Variants in BICC1 observed in about 807,000 individuals in gnomAD.
BICC1 encodes the protein BicC family RNA binding protein 1, also known as protein bicaudal C homolog 1.
BICC1 carries 43 observed loss-of-function variants against 111.0 expected under a neutral mutation model. That is an observed-to-expected ratio of 0.39 (90% CI 0.30 to 0.50). BICC1 has a LOEUF of 0.50. Ranked by LOEUF, BICC1 falls within the 20% of genes least tolerant of loss-of-function variation. The probability of loss-of-function intolerance (pLI) is 0.88; values close to 1 mark genes in which losing one functional copy is unlikely to be tolerated. For synonymous variants in BICC1, 467 were observed against 434.4 expected, an observed-to-expected ratio of 1.07 and a Z score of -0.93; for missense variants, 1,091 against 1,203.2, an observed-to-expected ratio of 0.91 and a Z score of 1.38.
chr10:58,645,302 G>T (rs184383692), intron 2 of BICC1, among the ~76,000 whole-genome samples: 1 of 149,870 alleles, frequency 6.7e-6, no homozygotes, highest in Non-Finnish European at 1.5e-5. Flanking sequence ...CCAGCTACTC[G>T]GGAGGCTGAG....
chr10:58,535,975 AAAGAC>A (rs749505926), intron 1 of BICC1, among the ~76,000 whole-genome samples: 1 of 151,818 alleles, frequency 6.6e-6, no homozygotes. Context: ...TAAAAAAAAA[AAAGAC>A]AAGGTCATTA....
chr10:58,552,149 C>G (rs1843311941), intron 1 of BICC1, among the ~76,000 whole-genome samples: 1 of 151,370 alleles, frequency 6.6e-6, no homozygotes, highest in Non-Finnish European at 1.5e-5. Context: ...GGAAAGAGTT[C>G]ACTCTTCATG....
intron 2 of BICC1, among the ~76,000 whole-genome samples, chr10:58,689,063 A>G (rs1156620646): frequency 6.6e-6 from 1 of 152,216 alleles, no homozygotes; most frequent in Non-Finnish European, 1.5e-5. Context: ...GAAAACATGT[A>G]TTAAGAAAGA....
At chr10:58,815,449 A>G (rs1844059336) in intron 18 of BICC1, among the ~76,000 whole-genome samples, 1 of 152,160 alleles carries the variant, frequency 6.6e-6, no homozygotes, top group Non-Finnish European at 1.5e-5. Flanking sequence ...GGTGTAAATG[A>G]TGTCCAGTCT....
chr10:58,712,074 T>C (rs1840593733), intron 3 of BICC1, among the ~76,000 whole-genome samples: 1 of 152,184 alleles, frequency 6.6e-6, no homozygotes, highest in South Asian at 2.1e-4. Flanking sequence ...AAAGAAGATA[T>C]ACAGATGGCA....
At chr10:58,815,833 A>T (rs1844070447) in intron 18 of BICC1, among the ~76,000 whole-genome samples, 2 of 152,216 alleles carry the variant, frequency 1.3e-5, no homozygotes, top group South Asian at 4.1e-4. Context: ...TTAAATATGT[A>T]ATCAATATAA....
chr10:58,661,439 G>A (rs1161873603), intron 2 of BICC1, among the ~76,000 whole-genome samples: 1 of 152,072 alleles, frequency 6.6e-6, no homozygotes, highest in African/African-American at 2.4e-5. Context: ...AAAAATCAAA[G>A]CACCAAACCT....
rs537799012 is a variant in BICC1, at chr10:58,513,324, A to G, written c.181A>G (p.Met61Val). Reference protein sequence around the residue: ...FRVDRKKLEAMLQAAAEGKGR... With the variant: ...FRVDRKKLEAVLQAAAEGKGR... ...CGTGGACAGGAAGAAACTTGAGGCC[A>G]TGTTACAAGGTAGGCATCCCTCGTG... Residue 61 changes from methionine to valine, a missense_variant, in exon 1 of 21, where the codon ATG becomes GTG. Around this residue, in one of 3 missense-constraint regions of BICC1, gnomAD observed 843 missense variants for 900.8 expected, o/e 0.94. Coordinates refer to ENST00000373886, the MANE Select transcript of BICC1 (RefSeq NM_001080512.3). 2.6e-5 allele frequency: 41 copies of G among 1,606,732 alleles called. No homozygotes were observed. Among genetic ancestry groups the G allele is most frequent in the Non-Finnish European group, 3.5e-5 (41 of 1,175,480 alleles).
At chr10:58,725,246 G>A (rs1310539693) in intron 3 of BICC1, among the ~76,000 whole-genome samples, 1 of 152,154 alleles carries the variant, frequency 6.6e-6, no homozygotes, top group African/African-American at 2.4e-5. Flanking sequence ...ATTTGTGGCA[G>A]ACTCTTAAAT....
chr10:58,541,929 C>G (rs141580708), intron 1 of BICC1, among the ~76,000 whole-genome samples: 1 of 151,884 alleles, frequency 6.6e-6, no homozygotes, highest in Non-Finnish European at 1.5e-5. Context: ...GTGGGCAGAT[C>G]GTTTGAGATC....
At chr10:58,512,439 T>A (rs1242856835), upstream of BICC1, among the ~76,000 whole-genome samples, 2 of 152,162 alleles carry the variant, frequency 1.3e-5, no homozygotes, top group African/African-American at 4.8e-5. Flanking sequence ...ACAGCGGAAT[T>A]GTGTATGCGC....
At chr10:58,600,603 G>C (rs1844994288) in intron 1 of BICC1, among the ~76,000 whole-genome samples, 1 of 151,984 alleles carries the variant, frequency 6.6e-6, no homozygotes, top group South Asian at 2.1e-4. Context: ...TAATATAGTT[G>C]ACTCTTGAAT....
At chr10:58,822,229 A>G (rs1844271342) in intron 20 of BICC1, among the ~76,000 whole-genome samples, 1 of 152,268 alleles carries the variant, frequency 6.6e-6, no homozygotes, top group South Asian at 2.1e-4. Flanking sequence ...GAGCTCCATA[A>G]TCTTTCACTA....
intron 1 of BICC1, among the ~76,000 whole-genome samples, chr10:58,609,593 A>G (rs1228811828): frequency 1.3e-5 from 2 of 152,262 alleles, no homozygotes; most frequent in South Asian, 2.1e-4. Flanking sequence ...TCATTTCAAC[A>G]TGTAATCAAA....
intron 1 of BICC1, among the ~76,000 whole-genome samples, chr10:58,587,433 G>A (rs571695842): frequency 6.6e-6 from 1 of 152,250 alleles, no homozygotes; most frequent in South Asian, 2.1e-4. Flanking sequence ...AGAATTTCAA[G>A]TCAGTACATA....
At chr10:58,745,043 G>A (rs1370770088) in intron 3 of BICC1, among the ~76,000 whole-genome samples, 1 of 152,114 alleles carries the variant, frequency 6.6e-6, no homozygotes. Context: ...ACCCTGTTCT[G>A]CTACATTCAC....
intron 1 of BICC1, among the ~76,000 whole-genome samples, chr10:58,540,921 T>G (rs963603439): frequency 4.6e-5 from 7 of 152,080 alleles, no homozygotes; most frequent in African/African-American, 1.7e-4. Flanking sequence ...ATCAAGGTAA[T>G]ACTGATATGT....
chr10:58,591,546 A>G (rs912325103), intron 1 of BICC1, among the ~76,000 whole-genome samples: 3 of 152,300 alleles, frequency 2.0e-5, no homozygotes, highest in Non-Finnish European at 2.9e-5. Flanking sequence ...GCTTCCTCAC[A>G]TGACCTAACC....
chr10:58,608,633 C>T (rs1845312831), intron 1 of BICC1, among the ~76,000 whole-genome samples: 2 of 152,128 alleles, frequency 1.3e-5, no homozygotes, highest in South Asian at 2.1e-4. Context: ...AACTATACGT[C>T]CTTAGAGGTC....
Sources: gnomAD v4.1 joint callset for allele counts (sites outside exome capture counted in the v4.1 genomes callset) on GRCh38, gnomAD v4.1.1 for gene constraint, gnomAD v4.1.1 regional missense constraint, MANE v1.5 for transcripts, NCBI Gene and HGNC (gene_info 2026-07-23, HGNC 2026-07-21) for gene names.